Variants in KLKB1 observed in about 807,000 individuals in gnomAD.
KLKB1 encodes the protein plasma kallikrein.
In KLKB1, 58 loss-of-function variants were observed where a neutral mutation model predicts 73.6. The ratio of observed to expected loss-of-function variants is 0.79; its 90% CI spans 0.64 to 0.98. The LOEUF (loss-of-function observed/expected upper bound fraction) is 0.98. Ranked by LOEUF, KLKB1 falls within the 50% of genes least tolerant of loss-of-function variation. The pLI, the probability that KLKB1 is intolerant of heterozygous loss-of-function variation, is 0.00. For missense variants in KLKB1, 737 were observed against 763.8 expected (o/e 0.96, Z 0.41); for synonymous variants, 280 against 258.1 (o/e 1.08, Z -0.81).
In KLKB1 at chr4:186,242,445, C is replaced by T. The variant is rs547401615; in HGVS notation, c.598+4080C>T. Among the ~76,000 whole-genome samples, 11 of 151,894 alleles carry T rather than the reference C, an allele frequency of 7.2e-5. No individual in the cohort carries two copies. In the East Asian group the frequency reaches 1.7e-3, roughly 24 times the overall value. On this transcript the variant is annotated intron_variant, in intron 6 of 14. Coordinates refer to ENST00000264690, the MANE Select transcript of KLKB1 (RefSeq NM_000892.5). ...CGATGTTTCTCAGGGCTGCTTCGAG[C>T]GGGATTAGGGGCGGCGTGGGAACCT... is the stretch of plus-strand genomic sequence containing the variant.
chr4:186,226,223 T>C (rs1327859245), upstream of KLKB1, among the ~76,000 whole-genome samples: 2 of 74,320 alleles, frequency 2.7e-5, no homozygotes, highest in Non-Finnish European at 5.1e-5. Context: ...TTGAGCTTTC[T>C]TAAGGCAATT....
At chr4:186,227,085 T>C (rs879722030), upstream of KLKB1, among the ~76,000 whole-genome samples, 1 of 152,106 alleles carries the variant, frequency 6.6e-6, no homozygotes, top group Non-Finnish European at 1.5e-5. Flanking sequence ...TTAGGTTCTA[T>C]CTTAACTGTC....
In KLKB1 at chr4:186,257,981, T is replaced by C. The variant is rs4253331; in HGVS notation, c.1726-40T>C. The stretch of plus-strand genomic sequence containing the variant: ...GCAGTCACTTATTTGAATCCCATTG[T>C]CGTAACTTTCTACTATTTTATTTTT... On this transcript the variant is annotated intron_variant, in intron 14 of 14. Transcript: ENST00000264690. 0.081 allele frequency: 128,080 copies of C among 1,580,002 alleles called. 6,556 individuals are homozygous for C. The highest frequency in any genetic ancestry group is 0.2 in the South Asian group (18,036 of 90,278).
Position 186,236,862 on chromosome 4 carries a change from G to A in KLKB1, c.410G>A (p.Cys137Tyr). 1 of 1,613,878 alleles carries A rather than the reference G, an allele frequency of 6.2e-7. No homozygotes were observed. The highest frequency in any genetic ancestry group is 8.5e-7 in the Non-Finnish European group (1 of 1,179,894). ...TCTAAGGTTAGCAGTGTTGAAGAAT[G>A]CCAAAAAAGGTGCACCAGTAACATT... The part of the protein sequence containing the change: ...NVSKVSSVEE[C>Y]QKRCTSNIRC... The change falls in exon 5 of 15, where the codon TGC becomes TAC. Residue 137 changes from cysteine (C) to tyrosine (Y), a missense_variant. Coordinates refer to ENST00000264690, the MANE Select transcript of KLKB1 (RefSeq NM_000892.5).
Position 186,234,121 on chromosome 4 carries a change from G to T in KLKB1, c.328+63G>T, listed in dbSNP as rs542601544. On this transcript the variant is annotated intron_variant, in intron 4 of 14. Coordinates refer to ENST00000264690, the MANE Select transcript of KLKB1 (RefSeq NM_000892.5). ...TTGGATCTCGCTTAGAACAGCTTTTGCTCAAAGTTTGTACTGCTACAGCTT... is the reference window on the plus strand; with the variant it reads ...TTGGATCTCGCTTAGAACAGCTTTTTCTCAAAGTTTGTACTGCTACAGCTT... 4.3e-5 allele frequency: 56 copies of T among 1,287,548 alleles called. No individual in the cohort carries two copies. In the African/African-American group the frequency reaches 7.7e-4, roughly 18 times the overall value. 79.8% of individuals were successfully genotyped at this position (1,287,548 alleles called of 1,614,324 possible).
rs369958652 is a variant in KLKB1 at position 186,234,005 on chromosome 4, G to A, written c.275G>A (p.Arg92Gln). The change falls in exon 4 of 15, where the codon CGA becomes CAA. Residue 92 changes from arginine (R) to glutamine (Q), a missense_variant. By Grantham distance (43) the Arg-to-Gln change is conservative. Coordinates refer to ENST00000264690, the MANE Select transcript of KLKB1 (RefSeq NM_000892.5). Reference protein sequence around the residue: ...SVTGTLPKVHRTGAVSGHSLK... With the variant: ...SVTGTLPKVHQTGAVSGHSLK... ...ACAGGAACCCTGCCAAAAGTACATC[G>A]AACAGGTGCAGTTTCTGGACATTCC... 10 of 1,614,040 alleles carry A rather than the reference G, an allele frequency of 6.2e-6. No individual in the cohort carries two copies. Among genetic ancestry groups the A allele is most frequent in the South Asian group, 3.3e-5 (3 of 91,068 alleles).
intron 11 of KLKB1, among the ~76,000 whole-genome samples, chr4:186,253,028 C>G (rs921952406): frequency 2.0e-5 from 3 of 152,084 alleles, no homozygotes; most frequent in African/African-American, 7.2e-5. Flanking sequence ...AGGTGTGGCC[C>G]TAGAAGATTT....
upstream of KLKB1, among the ~76,000 whole-genome samples, chr4:186,225,947 A>G (rs1216319871): frequency 1.3e-5 from 2 of 151,790 alleles, no homozygotes; most frequent in Non-Finnish European, 2.9e-5. Context: ...GCTTTCTGCA[A>G]TTTTTATCAT....
chr4:186,212,455 C>G (rs1223012131), intron 2 of KLKB1: 1 of 152,138 alleles, frequency 6.6e-6, no homozygotes, highest in Middle Eastern at 3.2e-3. Context: ...ATACATCTAC[C>G]CACTCCATTA....
intron 7 of KLKB1, 197 bp from the exon 8 acceptor site, chr4:186,251,022 A>G: frequency 1.8e-6 from 1 of 567,942 alleles, no homozygotes; most frequent in South Asian, 2.3e-5. Context: ...AGTTTTCTCC[A>G]GAGGGAGAGG....
rs1408165509 is a variant in KLKB1 at position 186,251,524 on chromosome 4, TGGA to T, written c.911_913del (p.Gly304del). ...CTAAAATTTACCCGGGAGTTGACTT[TGGA>T]GGAGAAGAATTGAATGTGACTTTTG... is the stretch of plus-strand genomic sequence containing the variant. On this transcript the variant is annotated inframe_deletion, in exon 9 of 15. Coordinates refer to ENST00000264690, the MANE Select transcript of KLKB1 (RefSeq NM_000892.5). 4 of 1,614,114 alleles carry T rather than the reference TGGA, an allele frequency of 2.5e-6. No individual in the cohort carries two copies. The highest frequency in any genetic ancestry group is 2.2e-5 in the East Asian group (1 of 44,874).
At chr4:186,245,834 T>TTTTTTTTTTTTTTTTG (rs1738315774) in intron 6 of KLKB1, among the ~76,000 whole-genome samples, 1 of 142,608 alleles carries the variant, frequency 7.0e-6, no homozygotes, top group African/African-American at 2.5e-5. Flanking sequence ...GTTTTTTTTT[T>TTTTTTTTTTTTTTTTG]TTAATGTCAG....
rs372107486 is a variant in KLKB1 at position 186,244,869 on chromosome 4, C to A, written c.599-5374C>A. The stretch of plus-strand genomic sequence containing the variant: ...TGTGGGATGGGATATTGGCATTGAG[C>A]GGGGTAAGTGTGATTAGGTTTTAAT... On this transcript the variant is annotated intron_variant, in intron 6 of 14. Coordinates refer to ENST00000264690, the MANE Select transcript of KLKB1 (RefSeq NM_000892.5). Among the ~76,000 whole-genome samples the A allele has an allele frequency of 1.4e-4, 21 of 152,030 alleles. No individual in the cohort carries two copies. The South Asian group carries it at 4.2e-3, about 30-fold the overall frequency.
intron 13 of KLKB1, among the ~76,000 whole-genome samples, chr4:186,256,375 A>G (rs1738993317): frequency 6.6e-6 from 1 of 152,208 alleles, no homozygotes; most frequent in Admixed American, 6.5e-5. Flanking sequence ...AGCCCGTGCA[A>G]GACCACCCGC....
chr4:186,247,498 C>A (rs1445538537), intron 6 of KLKB1, among the ~76,000 whole-genome samples: 3 of 152,102 alleles, frequency 2.0e-5, no homozygotes, highest in Non-Finnish European at 4.4e-5. Flanking sequence ...AAGGCAGGAA[C>A]CGGCCATTTT....
intron 6 of KLKB1, among the ~76,000 whole-genome samples, chr4:186,245,741 T>C (rs1293734395): frequency 6.6e-6 from 1 of 151,606 alleles, no homozygotes; most frequent in Non-Finnish European, 1.5e-5. Flanking sequence ...ATTGTACATC[T>C]TGAAGGCGAG....
rs183223546 is a variant in KLKB1 at position 186,217,391 on chromosome 4, C to T, written c.201+8119C>T. On this transcript the variant is annotated intron_variant, in intron 2 of 14. Coordinates refer to the KLKB1 transcript ENST00000511608. The stretch of plus-strand genomic sequence containing the variant: ...TGCACAAAGTGGAGAGATTTGTTGA[C>T]TACTGCTGCACCACTTGATATCCTA... 3.2e-4 allele frequency among the ~76,000 whole-genome samples: 48 copies of T among 152,298 alleles called. 1 individual carries two copies. Among genetic ancestry groups the T allele is most frequent in the Non-Finnish European group, 1.6e-4 (11 of 68,030 alleles).
intron 6 of KLKB1, among the ~76,000 whole-genome samples, chr4:186,247,344 C>T (rs995497862): frequency 1.4e-5 from 2 of 147,628 alleles, no homozygotes; most frequent in Non-Finnish European, 3.0e-5. Flanking sequence ...GGGGTGGGGA[C>T]GTTTTATAGG....
intron 6 of KLKB1, among the ~76,000 whole-genome samples, chr4:186,244,500 T>G (rs1227375977): frequency 6.6e-6 from 1 of 152,162 alleles, no homozygotes; most frequent in East Asian, 1.9e-4. Context: ...ACAGCCCAAG[T>G]AAGTTGCTGA....
Sources: allele counts gnomAD v4.1 joint callset (sites outside exome capture counted in the v4.1 genomes callset), GRCh38; gene constraint gnomAD v4.1.1; transcripts MANE v1.5; gene names NCBI Gene and HGNC (gene_info 2026-07-23, HGNC 2026-07-21).